DOCK4: variants seen among roughly 807,000 people sequenced by gnomAD.
The protein encoded by DOCK4 is dedicator of cytokinesis protein 4.
In DOCK4, 97 loss-of-function variants were observed where a neutral mutation model predicts 268.1. That is an observed-to-expected ratio of 0.36 (90% CI 0.31 to 0.43). The LOEUF (loss-of-function observed/expected upper bound fraction) is 0.43. DOCK4 is among the 20% of genes least tolerant of loss of function. The probability of loss-of-function intolerance (pLI) is 1.00; values close to 1 mark genes in which losing one functional copy is unlikely to be tolerated. For synonymous variants in DOCK4, 954 were observed against 887.2 expected (o/e 1.08, Z -1.34); for missense variants, 2,145 against 2,455.7 (o/e 0.87, Z 2.67).
chr7:111,743,334 T>C (rs1796055671), intron 44 of DOCK4, among the ~76,000 whole-genome samples: 1 of 152,208 alleles, frequency 6.6e-6, no homozygotes, highest in Non-Finnish European at 1.5e-5. Context: ...AGATTTTAGG[T>C]TGAAAGCTCA....
chr7:111,873,434 A>G (rs1054351125), intron 17 of DOCK4, among the ~76,000 whole-genome samples: 4 of 152,218 alleles, frequency 2.6e-5, no homozygotes, highest in African/African-American at 4.8e-5. Context: ...TGTGCCGAGC[A>G]CGCGCAGGGC....
At chr7:111,827,042 G>A (rs1802455416) in intron 26 of DOCK4, among the ~76,000 whole-genome samples, 1 of 152,046 alleles carries the variant, frequency 6.6e-6, no homozygotes, top group South Asian at 2.1e-4. Context: ...ACACAGACTA[G>A]GGCATTTTCT....
At chr7:112,079,980 T>C (rs1226983746) in intron 1 of DOCK4, among the ~76,000 whole-genome samples, 1 of 152,184 alleles carries the variant, frequency 6.6e-6, no homozygotes, top group Admixed American at 6.5e-5. Flanking sequence ...TCATTTTTAA[T>C]GTAATATAGC....
chr7:111,756,958 C>G (rs79875063), intron 41 of DOCK4, among the ~76,000 whole-genome samples: 7,784 of 151,778 alleles, frequency 0.051, 246 homozygotes, highest in Middle Eastern at 0.075. Flanking sequence ...CGCCAGCCTG[C>G]GGGAGGAGGA....
intron 39 of DOCK4, among the ~76,000 whole-genome samples, chr7:111,764,534 T>A (rs992476118): frequency 5.3e-5 from 8 of 152,180 alleles, no homozygotes; most frequent in African/African-American, 1.7e-4. Flanking sequence ...TAGAAGACAC[T>A]ACTGGGCAGA....
At chr7:111,933,633 C>T (rs1382888339) in intron 12 of DOCK4, among the ~76,000 whole-genome samples, 1 of 151,988 alleles carries the variant, frequency 6.6e-6, no homozygotes, top group Non-Finnish European at 1.5e-5. Flanking sequence ...AGAAGACAAG[C>T]ATACATAGTA....
intron 16 of DOCK4, among the ~76,000 whole-genome samples, chr7:111,893,453 G>A (rs1374901493): frequency 6.6e-6 from 1 of 152,160 alleles, no homozygotes; most frequent in Admixed American, 6.5e-5. Flanking sequence ...ATGAGGAAAC[G>A]GGGAGCCCAG....
At chr7:112,155,700 A>G (rs1816549195) in intron 1 of DOCK4, among the ~76,000 whole-genome samples, 1 of 152,182 alleles carries the variant, frequency 6.6e-6, no homozygotes, top group Non-Finnish European at 1.5e-5. Flanking sequence ...GATGTGAGTC[A>G]GAGTCCCAGG....
chr7:112,182,875 G>C (rs535749034), intron 1 of DOCK4, among the ~76,000 whole-genome samples: 1 of 152,358 alleles, frequency 6.6e-6, no homozygotes, highest in Admixed American at 6.5e-5. Flanking sequence ...GTGGCCACAG[G>C]ACTGGACAAT....
rs73717932 is a variant in DOCK4, at chr7:112,002,535, G to T, written c.121+1513C>A. 9.9e-3 allele frequency among the ~76,000 whole-genome samples: 1,501 copies of T among 152,266 alleles called. 23 individuals carry two copies. Among genetic ancestry groups the T allele is most frequent in the African/African-American group, 0.033 (1,389 of 41,540 alleles). On this transcript the variant is annotated intron_variant, in intron 2 of 52. Transcript: ENST00000428084. ...ATTTTTTAAGGTATCAATCACAGTGGACAGAATAAACATTCCGATATCACC... is the reference window on the plus strand; with the variant it reads ...ATTTTTTAAGGTATCAATCACAGTGTACAGAATAAACATTCCGATATCACC...
chr7:111,750,914 C>T (rs1796595256), intron 42 of DOCK4, among the ~76,000 whole-genome samples: 1 of 152,198 alleles, frequency 6.6e-6, no homozygotes, highest in Non-Finnish European at 1.5e-5. Flanking sequence ...ACAAAAACCC[C>T]TCCAGTCGCT....
In DOCK4 at chr7:111,790,558, C is replaced by T; in HGVS notation, c.3214G>A (p.Glu1072Lys). The change falls in exon 31 of 53, where the codon GAA becomes AAA. Residue 1072 changes from glutamate (E) to lysine (K), a missense_variant. This residue lies in a region of DOCK4 where 1,598 missense variants were observed against 1,986.7 expected (regional missense o/e 0.80). Transcript: ENST00000428084. The stretch of plus-strand genomic sequence containing the variant: ...TCTGGCTGGGGTATCAAGGTCACTT[C>T]TAGGAAGGGGCCAATCAGGGCAGGG... The part of the protein sequence containing the change: ...FIPALIGPFL[E>K]VTLIPQPDLR... 6.2e-7 allele frequency: 1 copy of T among 1,613,820 alleles called. No homozygotes were observed. Among genetic ancestry groups the T allele is most frequent in the East Asian group, 2.2e-5 (1 of 44,848 alleles).
chr7:111,817,823 ATGCTCCCT>A (rs1801670841), intron 27 of DOCK4, among the ~76,000 whole-genome samples: 1 of 152,132 alleles, frequency 6.6e-6, no homozygotes, highest in African/African-American at 2.4e-5. Context: ...CCCTGTTTCT[ATGCTCCCT>A]TTGACAGCAA....
chr7:111,829,654 A>G (rs1026983527), intron 26 of DOCK4, among the ~76,000 whole-genome samples: 2 of 152,316 alleles, frequency 1.3e-5, no homozygotes, highest in South Asian at 2.1e-4. Flanking sequence ...TGATATCTGT[A>G]AGAAAATAAT....
At chr7:111,800,110 A>C (rs1563522033) in intron 30 of DOCK4, among the ~76,000 whole-genome samples, 1 of 152,162 alleles carries the variant, frequency 6.6e-6, no homozygotes, top group South Asian at 2.1e-4. Flanking sequence ...CACTAAGTTT[A>C]ATACGACTTT....
intron 1 of DOCK4, among the ~76,000 whole-genome samples, chr7:112,054,093 G>A (rs1022044910): frequency 6.6e-6 from 1 of 152,132 alleles, no homozygotes; most frequent in African/African-American, 2.4e-5. Flanking sequence ...AGGCCAAGGC[G>A]AGAGGATCAC....
intron 1 of DOCK4, among the ~76,000 whole-genome samples, chr7:112,010,767 G>A (rs892328094): frequency 1.3e-5 from 2 of 152,166 alleles, no homozygotes; most frequent in African/African-American, 4.8e-5. Context: ...CTCTCTTCTG[G>A]CCTATGTGAC....
At chr7:111,797,133 C>T (rs1016553145) in intron 30 of DOCK4, among the ~76,000 whole-genome samples, 3 of 152,158 alleles carry the variant, frequency 2.0e-5, no homozygotes, top group Non-Finnish European at 4.4e-5. Context: ...AACCTGAGAA[C>T]GTTAAAGAGA....
intron 16 of DOCK4, among the ~76,000 whole-genome samples, chr7:111,885,190 A>C (rs184397038): frequency 2.6e-5 from 4 of 152,356 alleles, no homozygotes; most frequent in African/African-American, 7.2e-5. Flanking sequence ...ATGCCTAAAA[A>C]TCTGAGCAAT....
Sources: allele counts gnomAD v4.1 joint callset (sites outside exome capture counted in the v4.1 genomes callset), GRCh38; gene constraint gnomAD v4.1.1; regional missense constraint gnomAD v4.1.1; transcripts MANE v1.5; gene names NCBI Gene and HGNC (gene_info 2026-07-23, HGNC 2026-07-21).